Variants in TSNARE1 observed in about 807,000 individuals in gnomAD.
The protein encoded by TSNARE1 is t-SNARE domain-containing protein 1.
In TSNARE1, 49 loss-of-function variants were observed where a neutral mutation model predicts 62.0. The observed-to-expected ratio is 0.79, with a 90% CI of 0.63 to 1.00. The LOEUF (loss-of-function observed/expected upper bound fraction) is 1.00. TSNARE1 is among the 50% of genes least tolerant of loss of function. TSNARE1 has a pLI of 0.00. For synonymous variants in TSNARE1, 328 were observed against 294.4 expected, an observed-to-expected ratio of 1.11 and a Z score of -1.17; for missense variants, 755 against 700.1, an observed-to-expected ratio of 1.08 and a Z score of -0.88.
chr8:142,351,931 T>C (rs183655304), intron 2 of TSNARE1, among the ~76,000 whole-genome samples: 1 of 152,316 alleles, frequency 6.6e-6, no homozygotes, highest in Admixed American at 6.5e-5. Context: ...CAAAGGTCAA[T>C]TACAGTCTTA....
At chr8:142,277,639 T>TC (rs1586964846) in intron 11 of TSNARE1, 1 of 985,390 alleles carries the variant, frequency 1.0e-6, no homozygotes, top group East Asian at 1.1e-4. Context: ...GCTTGGGAAT[T>TC]CAACACGTCA....
At chr8:142,380,653 AC>A (rs1836672392) in intron 1 of TSNARE1, among the ~76,000 whole-genome samples, 3 of 152,076 alleles carry the variant, frequency 2.0e-5, no homozygotes, top group African/African-American at 7.2e-5. Flanking sequence ...TGCCTCCCTC[AC>A]GGGGAAACAG....
rs536793025 is a variant in TSNARE1 at position 142,329,029 on chromosome 8, T to C, written c.893+1872A>G. Among the ~76,000 whole-genome samples the C allele has an allele frequency of 5.3e-5, 8 of 152,322 alleles. No individual in the cohort carries two copies. The East Asian group carries it at 1.2e-3, about 22-fold the overall frequency. ...CTGACGAAATGATGGCGGCCGTGGATGAAGGTATATTCTTTAAATGTCCTT... is the reference window on the plus strand; with the variant it reads ...CTGACGAAATGATGGCGGCCGTGGACGAAGGTATATTCTTTAAATGTCCTT... On this transcript the variant is annotated intron_variant, in intron 6 of 13. Transcript: ENST00000524325.
chr8:142,313,829 A>T (rs777245538), intron 9 of TSNARE1, among the ~76,000 whole-genome samples: 2 of 152,224 alleles, frequency 1.3e-5, no homozygotes, highest in Non-Finnish European at 2.9e-5. Context: ...GCTGGAATGC[A>T]GTGGCGTGAT....
chr8:142,277,815 CA>C, intron 11 of TSNARE1: 1 of 985,350 alleles, frequency 1.0e-6, no homozygotes, highest in Non-Finnish European at 1.2e-6. Context: ...ACAGGGTGAG[CA>C]AACCTGAGTT....
chr8:142,316,296 G>C (rs537269444), intron 7 of TSNARE1, among the ~76,000 whole-genome samples: 1 of 151,782 alleles, frequency 6.6e-6, no homozygotes, highest in South Asian at 2.1e-4. Context: ...TCCCCACAGA[G>C]TGGTCCCCGC....
intron 2 of TSNARE1, among the ~76,000 whole-genome samples, chr8:142,353,010 T>C (rs1247984398): frequency 5.3e-5 from 8 of 152,108 alleles, no homozygotes; most frequent in Non-Finnish European, 1.2e-4. Context: ...CACCGTGCCC[T>C]GCCTAAGGCC....
intron 10 of TSNARE1, among the ~76,000 whole-genome samples, chr8:142,297,196 G>C (rs1046662853): frequency 1.3e-5 from 2 of 152,210 alleles, no homozygotes; most frequent in Non-Finnish European, 2.9e-5. Flanking sequence ...GATGATGCTG[G>C]GAAGGAGGAC....
At chr8:142,212,690 G>A (rs73362739) in intron 13 of TSNARE1, among the ~76,000 whole-genome samples, 2,595 of 151,952 alleles carry the variant, frequency 0.017, 81 homozygotes, top group African/African-American at 0.06. Context: ...CCTGCCTGGC[G>A]CACCCACCGG....
chr8:142,362,517 C>T (rs1049699151), intron 1 of TSNARE1, among the ~76,000 whole-genome samples: 1 of 152,126 alleles, frequency 6.6e-6, no homozygotes, highest in African/African-American at 2.4e-5. Flanking sequence ...TTCCTCAGCT[C>T]GTGGTTCTGG....
intron 1 of TSNARE1, among the ~76,000 whole-genome samples, chr8:142,393,320 G>A (rs1167319418): frequency 6.6e-6 from 1 of 152,208 alleles, no homozygotes; most frequent in Non-Finnish European, 1.5e-5. Flanking sequence ...GTGGCTCCCA[G>A]GAGTTAAGGA....
At chr8:142,360,372 CAGGG>C (rs905319034) in intron 1 of TSNARE1, among the ~76,000 whole-genome samples, 6 of 152,166 alleles carry the variant, frequency 3.9e-5, no homozygotes, top group African/African-American at 1.4e-4. Flanking sequence ...GGGCCTGGGC[CAGGG>C]CCGCAGAAGC....
rs778779350 is a variant in TSNARE1, at chr8:142,318,580, C to G, written c.948G>C (p.Val316=). The change falls in exon 7 of 14, where the codon GTG becomes GTC. Residue 316 remains valine (V), a synonymous_variant. Transcript: ENST00000524325. ...TGCGCAGCAGCTCGGCCATCTGCTTCACGGAGCTGGCGCTGGCTGCAATGG... is the reference window on the plus strand; with the variant it reads ...TGCGCAGCAGCTCGGCCATCTGCTTGACGGAGCTGGCGCTGGCTGCAATGG... ...NKTIAASASS[V]KQMAELLRSS... 3 of 1,613,714 alleles carry G rather than the reference C, an allele frequency of 1.9e-6. No individual in the cohort carries two copies. In the South Asian group the frequency reaches 3.3e-5, roughly 18 times the overall value.
chr8:142,349,765 A>G (rs557321116), intron 2 of TSNARE1, among the ~76,000 whole-genome samples: 1 of 152,340 alleles, frequency 6.6e-6, no homozygotes, highest in African/African-American at 2.4e-5. Context: ...CGACACATCC[A>G]TCTGCATGAC....
chr8:142,239,666 C>T (rs1183910963), intron 12 of TSNARE1, among the ~76,000 whole-genome samples: 7 of 152,216 alleles, frequency 4.6e-5, no homozygotes, highest in Non-Finnish European at 1.0e-4. Flanking sequence ...TAACAGGAAG[C>T]GTTAATGGAG....
At chr8:142,304,058 C>T (rs1826232584) in intron 9 of TSNARE1, among the ~76,000 whole-genome samples, 3 of 152,268 alleles carry the variant, frequency 2.0e-5, no homozygotes, top group Admixed American at 2.0e-4. Flanking sequence ...TTCCTACACA[C>T]CACCCTGACA....
intron 4 of TSNARE1, among the ~76,000 whole-genome samples, chr8:142,342,071 G>C (rs1415238231): frequency 6.6e-6 from 1 of 152,248 alleles, no homozygotes; most frequent in Non-Finnish European, 1.5e-5. Flanking sequence ...CCTGTCCTCG[G>C]ACACAGCAAA....
chr8:142,361,858 C>T lies in TSNARE1; in HGVS notation c.-39-7095G>A, dbSNP rs542301702. On this transcript the variant is annotated intron_variant, in intron 1 of 13. Transcript: ENST00000524325. ...CAGTGGCCAGACCACAGCCAGACCC[C>T]GCTGCAGACCGCCGGGAGCCCTCAG... Among the ~76,000 whole-genome samples, 6 of 152,306 alleles carry T rather than the reference C, an allele frequency of 3.9e-5. No individual in the cohort carries two copies. In the South Asian group the frequency reaches 1.2e-3, roughly 32 times the overall value.
At chr8:142,264,832 C>A (rs1427253835) in intron 12 of TSNARE1, among the ~76,000 whole-genome samples, 1 of 152,062 alleles carries the variant, frequency 6.6e-6, no homozygotes, top group Admixed American at 6.6e-5. Flanking sequence ...GTTATTTTTT[C>A]CTCCAATCTG....
Sources: allele counts gnomAD v4.1 joint callset (sites outside exome capture counted in the v4.1 genomes callset), GRCh38; gene constraint gnomAD v4.1.1; transcripts MANE v1.5; gene names NCBI Gene and HGNC (gene_info 2026-07-23, HGNC 2026-07-21).